CSMD1: variants seen among roughly 807,000 people sequenced by gnomAD.
CSMD1 encodes the protein CUB and sushi domain-containing protein 1.
Under a neutral mutation model 417.5 loss-of-function variants are expected in CSMD1, and 213 were observed. The observed-to-expected ratio is 0.51, with a 90% CI of 0.46 to 0.57. The LOEUF is 0.57. CSMD1 is among the 20% of genes least tolerant of loss of function. The pLI, the probability that CSMD1 is intolerant of heterozygous loss-of-function variation, is 0.00. For synonymous variants in CSMD1, 2,862 were observed against 1,736.8 expected (o/e 1.65, Z -16.11); for missense variants, 6,923 against 4,529.7 (o/e 1.53, Z -15.17).
intron 65 of CSMD1, among the ~76,000 whole-genome samples, chr8:2,953,673 A>C (rs2128920985): frequency 6.6e-6 from 1 of 152,346 alleles, no homozygotes; most frequent in South Asian, 2.1e-4. Flanking sequence ...CTTGGGAAAT[A>C]GGACTGCATC....
intron 11 of CSMD1, among the ~76,000 whole-genome samples, chr8:3,490,728 C>T (rs554593274): frequency 6.6e-6 from 1 of 152,138 alleles, no homozygotes; most frequent in South Asian, 2.1e-4. Flanking sequence ...TTGCAGGCCC[C>T]TTTCTATCCA....
In CSMD1 at chr8:4,696,946, G is replaced by C. The variant is rs1232278579; in HGVS notation, c.86-59388C>G. On this transcript the variant is annotated intron_variant, in intron 1 of 69. Transcript: ENST00000635120. ...CCCAGCACTTTAGGAGGCCGAGCTG[G>C]GTAGATCATGAGGTCAGCAGTTCAA... 2.0e-5 allele frequency among the ~76,000 whole-genome samples: 3 copies of C among 152,150 alleles called. No homozygotes were observed. The East Asian group carries it at 5.8e-4, about 29-fold the overall frequency.
intron 2 of CSMD1, among the ~76,000 whole-genome samples, chr8:4,541,766 G>A (rs776636617): frequency 6.6e-6 from 1 of 151,982 alleles, no homozygotes; most frequent in African/African-American, 2.4e-5. Flanking sequence ...AAGAAAAAAA[G>A]AATCACTCTT....
chr8:4,090,277 T>C (rs1225089704), intron 3 of CSMD1, among the ~76,000 whole-genome samples: 2 of 152,188 alleles, frequency 1.3e-5, no homozygotes, highest in Non-Finnish European at 2.9e-5. Flanking sequence ...GCTTAGATTC[T>C]AATTAAGGAA....
chr8:3,257,523 G>C (rs1036030826), intron 26 of CSMD1, among the ~76,000 whole-genome samples: 1 of 152,208 alleles, frequency 6.6e-6, no homozygotes, highest in Admixed American at 6.5e-5. Context: ...AAGAAGACAG[G>C]AGTGTCGATG....
At chr8:4,960,646 T>A (rs534825967) in intron 1 of CSMD1, among the ~76,000 whole-genome samples, 1 of 152,166 alleles carries the variant, frequency 6.6e-6, no homozygotes, top group African/African-American at 2.4e-5. Flanking sequence ...CATATATCCA[T>A]ACATATGTAC....
chr8:3,904,246 G>A (rs1167875913), intron 5 of CSMD1, among the ~76,000 whole-genome samples: 9 of 152,272 alleles, frequency 5.9e-5, no homozygotes, highest in South Asian at 4.1e-4. Context: ...GGGTAGAGAC[G>A]AATAGCACCT....
intron 3 of CSMD1, among the ~76,000 whole-genome samples, chr8:4,286,641 C>G (rs1246640160): frequency 1.3e-5 from 2 of 152,162 alleles, no homozygotes; most frequent in African/African-American, 4.8e-5. Context: ...AAAGGTTTAT[C>G]CTCCAAGAAA....
chr8:3,483,705 G>C (rs559177589), intron 11 of CSMD1, among the ~76,000 whole-genome samples: 1 of 152,038 alleles, frequency 6.6e-6, no homozygotes, highest in African/African-American at 2.4e-5. Context: ...ACTATAGACC[G>C]ATATCTTTTA....
chr8:4,292,414 G>T (rs926838479), intron 3 of CSMD1, among the ~76,000 whole-genome samples: 5 of 151,914 alleles, frequency 3.3e-5, no homozygotes, highest in African/African-American at 7.3e-5. Flanking sequence ...CACCACGCCC[G>T]GCTAATTTTT....
chr8:2,996,361 T>C (rs536575989), intron 54 of CSMD1, among the ~76,000 whole-genome samples: 1 of 152,344 alleles, frequency 6.6e-6, no homozygotes, highest in East Asian at 1.9e-4. Context: ...GATCAGCTTC[T>C]TATCAGGATA....
At chr8:4,121,745 C>A (rs1802499102) in intron 3 of CSMD1, among the ~76,000 whole-genome samples, 1 of 151,716 alleles carries the variant, frequency 6.6e-6, no homozygotes, top group African/African-American at 2.4e-5. Flanking sequence ...AAGGATAAAA[C>A]AGCATTAATT....
chr8:3,581,637 G>A (rs1415509287), intron 9 of CSMD1, among the ~76,000 whole-genome samples: 1 of 152,120 alleles, frequency 6.6e-6, no homozygotes, highest in Non-Finnish European at 1.5e-5. Context: ...GCACCTCGCT[G>A]GAATACCTTT....
chr8:4,053,162 G>A (rs942176398), intron 3 of CSMD1, among the ~76,000 whole-genome samples: 1 of 152,188 alleles, frequency 6.6e-6, no homozygotes, highest in Non-Finnish European at 1.5e-5. Context: ...AGTGAAATCT[G>A]AACTACAGGT....
chr8:3,571,398 G>T (rs187713115), intron 10 of CSMD1, among the ~76,000 whole-genome samples: 1 of 152,248 alleles, frequency 6.6e-6, no homozygotes, highest in African/African-American at 2.4e-5. Context: ...TTAAAGGTAC[G>T]GAGAACATAT....
rs867601837 is a variant in CSMD1, at chr8:4,734,164, G to A, written c.86-96606C>T. Among the ~76,000 whole-genome samples the A allele has an allele frequency of 2.0e-4, 30 of 152,116 alleles. No homozygotes were observed. In the Middle Eastern group the frequency reaches 0.01, roughly 52 times the overall value. ...ACAAGCTCTATTGAAATATAATAGA[G>A]CTTGTACTGGGACATTTAAATATGT... On this transcript the variant is annotated intron_variant, in intron 1 of 69. Coordinates refer to ENST00000635120, the MANE Select transcript of CSMD1 (RefSeq NM_033225.6).
rs75020775 is a variant in CSMD1, at chr8:3,962,150, C to T, written c.818+35753G>A. ...CTGTGTCCAGCCCACACCTGAGCAC[C>T]TACTTCATAGACCTGCTCTGCTGAG... On this transcript the variant is annotated intron_variant, in intron 5 of 69. Coordinates refer to ENST00000635120, the MANE Select transcript of CSMD1 (RefSeq NM_033225.6). Among the ~76,000 whole-genome samples, 507 of 152,272 alleles carry T rather than the reference C, an allele frequency of 3.3e-3. 1 individual carries two copies. Among genetic ancestry groups the T allele is most frequent in the African/African-American group, 0.011 (455 of 41,556 alleles).
intron 1 of CSMD1, among the ~76,000 whole-genome samples, chr8:4,936,363 G>C (rs762667450): frequency 6.6e-6 from 1 of 152,150 alleles, no homozygotes; most frequent in Non-Finnish European, 1.5e-5. Flanking sequence ...GCCTGGTTAA[G>C]GTTTTTAGAG....
chr8:4,243,229 A>AG (rs150055601), intron 3 of CSMD1, among the ~76,000 whole-genome samples: 2,613 of 152,248 alleles, frequency 0.017, 81 homozygotes, highest in African/African-American at 0.06. Flanking sequence ...TAGGAGAGTC[A>AG]GGAAAGGGGA....
Sources: gnomAD v4.1 joint callset for allele counts (sites outside exome capture counted in the v4.1 genomes callset) on GRCh38, gnomAD v4.1.1 for gene constraint, MANE v1.5 for transcripts, NCBI Gene and HGNC (gene_info 2026-07-23, HGNC 2026-07-21) for gene names.